The following ADAM28 variants were observed in gnomAD, a reference collection of about 807,000 sequenced individuals.
ADAM28 encodes ADAM metallopeptidase domain 28, also known as disintegrin and metalloproteinase domain-containing protein 28.
ADAM28 carries 105 observed loss-of-function variants against 101.2 expected under a neutral mutation model. The observed-to-expected ratio is 1.04, with a 90% CI of 0.89 to 1.22. ADAM28 has a LOEUF of 1.22. Ranked by LOEUF, ADAM28 falls within the 50% of genes most tolerant of loss-of-function variation. ADAM28 has a pLI of 0.00. For synonymous variants in ADAM28, 322 were observed against 310.6 expected, an observed-to-expected ratio of 1.04 and a Z score of -0.39; for missense variants, 1,028 against 945.4, an observed-to-expected ratio of 1.09 and a Z score of -1.15.
At position 24,339,520 on chromosome 8, in the gene ADAM28, A is replaced by G; in HGVS notation, c.1622A>G (p.Tyr541Cys). Residue 541 changes from tyrosine (Y) to cysteine (C), a missense_variant, in exon 15 of 23, where the codon TAC (tyrosine) becomes TGC (cysteine). Physicochemically the swap from Tyr to Cys is radical, Grantham distance 194 (BLOSUM62 -2). Coordinates refer to ENST00000265769, the MANE Select transcript of ADAM28 (RefSeq NM_014265.6). ...AACAGGAATGAAGGTGGGTCAAAGT[A>G]CGGGTACTGTCGCAGAGTGGATGAC... ...CYNRNEGGSK[Y>C]GYCRRVDDTL... 6.2e-7 allele frequency: 1 copy of G among 1,613,378 alleles called. No individual in the cohort carries two copies. The highest frequency in any genetic ancestry group is 8.5e-7 in the Non-Finnish European group (1 of 1,179,624).
chr8:24,351,151 G>T, intron 19 of ADAM28, 81 bp from the exon 20 acceptor site: 1 of 1,180,832 alleles, frequency 8.5e-7, no homozygotes, highest in South Asian at 1.7e-5. Flanking sequence ...GGAAAAAGAA[G>T]TTGGGAATCT....
At chr8:24,310,874 G>A (rs1563276450) in intron 4 of ADAM28, among the ~76,000 whole-genome samples, 1 of 152,144 alleles carries the variant, frequency 6.6e-6, no homozygotes, top group African/African-American at 2.4e-5. Context: ...AGGGCATTTT[G>A]CTCCAAATGG....
intron 18 of ADAM28, among the ~76,000 whole-genome samples, chr8:24,344,759 A>G (rs1315047574): frequency 1.3e-5 from 2 of 152,144 alleles, no homozygotes; most frequent in Non-Finnish European, 2.9e-5. Flanking sequence ...AAATCCTTTT[A>G]AACTATGACT....
At chr8:24,309,517 C>G (rs182801633) in intron 2 of ADAM28, among the ~76,000 whole-genome samples, 1 of 152,280 alleles carries the variant, frequency 6.6e-6, no homozygotes, top group East Asian at 1.9e-4. Context: ...TTATCATGCA[C>G]ATAACTCACC....
chr8:24,312,761 C>A (rs1810642157), intron 5 of ADAM28, among the ~76,000 whole-genome samples: 2 of 151,962 alleles, frequency 1.3e-5, no homozygotes, highest in Non-Finnish European at 2.9e-5. Flanking sequence ...TACCCTTAGT[C>A]CAATGCCTAA....
chr8:24,304,233 C>T (rs1295822759), intron 2 of ADAM28, among the ~76,000 whole-genome samples: 1 of 147,858 alleles, frequency 6.8e-6, no homozygotes, highest in African/African-American at 2.5e-5. Context: ...ACTAGATGAA[C>T]AATATTAATT....
chr8:24,302,006 T>G (rs1373703666), intron 2 of ADAM28, among the ~76,000 whole-genome samples: 2 of 152,194 alleles, frequency 1.3e-5, no homozygotes, highest in African/African-American at 4.8e-5. Flanking sequence ...GATAAACGTG[T>G]GCCATGGTGG....
intron 9 of ADAM28, among the ~76,000 whole-genome samples, chr8:24,325,905 A>T (rs1812550912): frequency 6.7e-6 from 1 of 149,184 alleles, no homozygotes; most frequent in Non-Finnish European, 1.5e-5. Context: ...AAAAAACCAA[A>T]AAACAAAAAC....
chr8:24,300,188 A>G (rs1563262196), intron 2 of ADAM28, 111 bp downstream of exon 2: 2 of 892,884 alleles, frequency 2.2e-6, no homozygotes, highest in Non-Finnish European at 3.3e-6. Flanking sequence ...GTATGTTTAT[A>G]TATGTGTGTG....
At chr8:24,323,120 G>T (rs1156412483) in intron 8 of ADAM28, among the ~76,000 whole-genome samples, 1 of 151,864 alleles carries the variant, frequency 6.6e-6, no homozygotes, top group Non-Finnish European at 1.5e-5. Context: ...TTGGTTTCTG[G>T]TGAAGATTGT....
intron 6 of ADAM28, among the ~76,000 whole-genome samples, chr8:24,319,391 C>T (rs1448589426): frequency 6.6e-6 from 1 of 152,004 alleles, no homozygotes; most frequent in Non-Finnish European, 1.5e-5. Flanking sequence ...GCTGATGGAG[C>T]TCACATGGTG....
At chr8:24,332,801 A>G in intron 13 of ADAM28, 52 bp downstream of exon 13, 2 of 981,476 alleles carry the variant, frequency 2.0e-6, no homozygotes, top group Non-Finnish European at 2.9e-6. Context: ...TTTATACATT[A>G]ACATCTCAGT....
At chr8:24,341,415 C>G (rs1283685692) in intron 15 of ADAM28, 183 bp from the exon 16 acceptor site, 1 of 598,682 alleles carries the variant, frequency 1.7e-6, no homozygotes, top group African/African-American at 1.9e-5. Flanking sequence ...TTTATTTGAG[C>G]AATAATATAT....
chr8:24,323,352 G>A (rs1167023711), intron 8 of ADAM28, among the ~76,000 whole-genome samples: 2 of 151,948 alleles, frequency 1.3e-5, no homozygotes, highest in South Asian at 2.1e-4. Flanking sequence ...AAACTATAGC[G>A]ACTACTTAGC....
intron 21 of ADAM28, among the ~76,000 whole-genome samples, chr8:24,352,318 C>T (rs1021040007): frequency 6.6e-6 from 1 of 152,166 alleles, no homozygotes; most frequent in African/African-American, 2.4e-5. Context: ...GCTGCTGTAA[C>T]TAAATTAACA....
chr8:24,321,905 A>G (rs1024616777), intron 8 of ADAM28, among the ~76,000 whole-genome samples: 7 of 151,990 alleles, frequency 4.6e-5, no homozygotes, highest in African/African-American at 1.7e-4. Flanking sequence ...AAATGGTTTT[A>G]CAGTCTTTAA....
At chr8:24,324,813 A>T (rs1156576953) in intron 9 of ADAM28, among the ~76,000 whole-genome samples, 1 of 151,930 alleles carries the variant, frequency 6.6e-6, no homozygotes, top group Non-Finnish European at 1.5e-5. Flanking sequence ...TTCCTTCAAT[A>T]TGGCTATCTT....
intron 7 of ADAM28, 79 bp from the exon 8 acceptor site, chr8:24,321,139 T>TAA (rs1395089344): frequency 6.4e-6 from 5 of 785,706 alleles, no homozygotes; most frequent in Non-Finnish European, 1.1e-5. Flanking sequence ...ATAAGTAATA[T>TAA]AAGAGAAGAT....
chr8:24,349,978 CCTTTAT>C lies in ADAM28; in HGVS notation c.2099+10_2099+15del. On this transcript the variant is annotated splice_region_variant and intron_variant, in intron 19 of 22. Coordinates refer to ENST00000265769, the MANE Select transcript of ADAM28 (RefSeq NM_014265.6). ...AAGCAGAAGAAAGATCAGAGGTGATCCTTTATCTTATCTTGCTGTAGGGACTCTTTG... is the reference window on the plus strand; with the variant it reads ...AAGCAGAAGAAAGATCAGAGGTGATCCTTATCTTGCTGTAGGGACTCTTTG... The C allele has an allele frequency of 6.2e-7, 1 of 1,612,142 alleles. No individual in the cohort carries two copies.
Sources: allele counts gnomAD v4.1 joint callset (sites outside exome capture counted in the v4.1 genomes callset), GRCh38; gene constraint gnomAD v4.1.1; transcripts MANE v1.5; gene names NCBI Gene and HGNC (gene_info 2026-07-23, HGNC 2026-07-21).